MACROD2: variants seen among roughly 807,000 people sequenced by gnomAD.
The protein encoded by MACROD2 is mono-ADP ribosylhydrolase 2.
A neutral mutation model predicts 70.4 loss-of-function variants in MACROD2; 36 were observed. The observed-to-expected ratio is 0.51, with a 90% CI of 0.39 to 0.68. The LOEUF is 0.68. MACROD2 is among the 30% of genes least tolerant of loss of function. The pLI is 0.00. For missense variants in MACROD2, 496 were observed against 538.4 expected, an observed-to-expected ratio of 0.92 and a Z score of 0.78; for synonymous variants, 172 against 178.8, an observed-to-expected ratio of 0.96 and a Z score of 0.30.
intron 3 of MACROD2, among the ~76,000 whole-genome samples, chr20:14,271,536 G>T (rs1321016812): frequency 6.7e-6 from 1 of 149,278 alleles, no homozygotes; most frequent in Non-Finnish European, 1.5e-5. Flanking sequence ...AAACCACAAA[G>T]ATGGGGAAAA....
intron 8 of MACROD2, among the ~76,000 whole-genome samples, chr20:15,829,697 A>G (rs769026230): frequency 7.9e-5 from 12 of 152,216 alleles, no homozygotes; most frequent in African/African-American, 9.6e-5. Context: ...ATGAAGTGCC[A>G]GAGACACAGA....
intron 6 of MACROD2, among the ~76,000 whole-genome samples, chr20:15,410,585 T>C (rs1274908817): frequency 6.6e-6 from 1 of 152,170 alleles, no homozygotes; most frequent in East Asian, 1.9e-4. Flanking sequence ...GTGAAAATAT[T>C]CTACTGATAT....
chr20:14,467,102 C>A (rs1159350641), intron 3 of MACROD2, among the ~76,000 whole-genome samples: 1 of 152,162 alleles, frequency 6.6e-6, no homozygotes, highest in Non-Finnish European at 1.5e-5. Flanking sequence ...TTATTGCTAT[C>A]TTTTGTTTGT....
intron 3 of MACROD2, among the ~76,000 whole-genome samples, chr20:14,164,692 G>A (rs907601305): frequency 6.6e-6 from 1 of 152,096 alleles, no homozygotes; most frequent in African/African-American, 2.4e-5. Flanking sequence ...GGCTCTGGGA[G>A]GAGTACCCGG....
chr20:14,179,588 A>G (rs561332187), intron 3 of MACROD2, among the ~76,000 whole-genome samples: 1 of 152,340 alleles, frequency 6.6e-6, no homozygotes, highest in Admixed American at 6.5e-5. Flanking sequence ...AGAAACACAA[A>G]GATGAGTAAG....
intron 5 of MACROD2, among the ~76,000 whole-genome samples, chr20:15,088,588 A>C (rs955016731): frequency 1.3e-5 from 2 of 151,498 alleles, no homozygotes; most frequent in Non-Finnish European, 2.9e-5. Context: ...ATAAGGAAGA[A>C]AAAGTGAGAG....
intron 6 of MACROD2, among the ~76,000 whole-genome samples, chr20:15,401,282 C>A (rs7273402): frequency 0.011 from 1,638 of 152,286 alleles, 43 homozygotes; most frequent in African/African-American, 0.038. Context: ...TTGTGATCCG[C>A]CCGCCTCGGC....
intron 5 of MACROD2, among the ~76,000 whole-genome samples, chr20:15,142,750 G>C (rs1290140820): frequency 6.6e-6 from 1 of 150,906 alleles, no homozygotes; most frequent in East Asian, 2.0e-4. Context: ...CTATGAGTGA[G>C]AACACGTGGT....
intron 5 of MACROD2, among the ~76,000 whole-genome samples, chr20:15,190,728 A>T (rs974767571): frequency 5.9e-5 from 9 of 152,252 alleles, no homozygotes; most frequent in African/African-American, 1.9e-4. Context: ...GAGTGAGGGG[A>T]AAGGGTGCAC....
chr20:14,158,020 A>G (rs1419496010), intron 3 of MACROD2, among the ~76,000 whole-genome samples: 2 of 152,130 alleles, frequency 1.3e-5, no homozygotes, highest in Non-Finnish European at 2.9e-5. Flanking sequence ...TAGTGGCTAG[A>G]CCAATTTACC....
chr20:14,691,807 C>T (rs2071068142), intron 5 of MACROD2, among the ~76,000 whole-genome samples: 1 of 152,086 alleles, frequency 6.6e-6, no homozygotes, highest in Non-Finnish European at 1.5e-5. Context: ...TGAGCCCCTT[C>T]CATAATCAAA....
intron 8 of MACROD2, among the ~76,000 whole-genome samples, chr20:15,567,217 TTTAG>T (rs1316617602): frequency 2.6e-5 from 4 of 152,076 alleles, no homozygotes; most frequent in East Asian, 1.9e-4. Flanking sequence ...ATAAGTACAA[TTTAG>T]TTAGTCAAGA....
intron 8 of MACROD2, among the ~76,000 whole-genome samples, chr20:15,720,030 A>G (rs115629429): frequency 8.1e-4 from 123 of 152,296 alleles, no homozygotes; most frequent in African/African-American, 2.8e-3. Context: ...TAGCTCCTAC[A>G]TATGAATGAG....
At chr20:15,215,083 TGTGTAAATCCATGTTTATTTAAA>T (rs1458131008) in intron 5 of MACROD2, among the ~76,000 whole-genome samples, 1 of 152,172 alleles carries the variant, frequency 6.6e-6, no homozygotes, top group African/African-American at 2.4e-5. Context: ...TTCTGGCAAA[TGTGTAAATCCATGTTTATTTAAA>T]GTGTATTATA....
chr20:14,233,794 T>C (rs117209660), intron 3 of MACROD2, among the ~76,000 whole-genome samples: 3,893 of 150,096 alleles, frequency 0.026, 87 homozygotes, highest in Middle Eastern at 0.035. Context: ...AAGTGAAAGA[T>C]AGCCAGTCTT....
At chr20:15,840,154 C>T (rs2064155319) in intron 8 of MACROD2, among the ~76,000 whole-genome samples, 1 of 152,196 alleles carries the variant, frequency 6.6e-6, no homozygotes, top group Admixed American at 6.5e-5. Flanking sequence ...GTGGCCATGA[C>T]AGTGGCTCAA....
Position 14,592,536 on chromosome 20 carries a change from G to T in MACROD2, c.302-92307G>T, listed in dbSNP as rs1981845744. 2.0e-5 allele frequency among the ~76,000 whole-genome samples: 3 copies of T among 152,208 alleles called. No homozygotes were observed. In the South Asian group the frequency reaches 6.2e-4, roughly 32 times the overall value. ...CCTCCTGGGCTCAAGTGATCCTCCT[G>T]CCTCAGCCTCCCAAGTAGCTGGGAC... On this transcript the variant is annotated intron_variant, in intron 4 of 17. Coordinates refer to ENST00000684519, the MANE Select transcript of MACROD2 (RefSeq NM_001351661.2).
At chr20:15,150,683 G>A (rs2076262795) in intron 5 of MACROD2, among the ~76,000 whole-genome samples, 1 of 151,994 alleles carries the variant, frequency 6.6e-6, no homozygotes, top group Non-Finnish European at 1.5e-5. Flanking sequence ...TAAGGTGGGG[G>A]GATACAAGAG....
chr20:14,270,999 T>C (rs1045499527), intron 3 of MACROD2, among the ~76,000 whole-genome samples: 1 of 152,222 alleles, frequency 6.6e-6, no homozygotes, highest in African/African-American at 2.4e-5. Context: ...AAGTTCTAAC[T>C]GGGTGGAGCC....
Sources: gnomAD v4.1 joint callset for allele counts (sites outside exome capture counted in the v4.1 genomes callset) on GRCh38, gnomAD v4.1.1 for gene constraint, MANE v1.5 for transcripts, NCBI Gene and HGNC (gene_info 2026-07-23, HGNC 2026-07-21) for gene names.